The following GLIS3 variants were observed in gnomAD, a reference collection of about 807,000 sequenced individuals.
GLIS3 encodes GLIS family zinc finger 3.
Under a neutral mutation model 78.6 loss-of-function variants are expected in GLIS3, and 53 were observed. The observed-to-expected ratio is 0.67, with a 90% CI of 0.54 to 0.85. The LOEUF (loss-of-function observed/expected upper bound fraction) is 0.85, where lower values mean the gene tolerates loss of function less well. Ranked by LOEUF, GLIS3 falls within the 40% of genes least tolerant of loss-of-function variation. The probability of loss-of-function intolerance (pLI) is 0.00; values close to 1 mark genes in which losing one functional copy is unlikely to be tolerated. For synonymous variants in GLIS3, 684 were observed against 509.9 expected, an observed-to-expected ratio of 1.34 and a Z score of -4.60; for missense variants, 1,703 against 1,231.1, an observed-to-expected ratio of 1.38 and a Z score of -5.74.
At chr9:4,320,132 C>T (rs750741756) in intron 2 of GLIS3, among the ~76,000 whole-genome samples, 3 of 152,050 alleles carry the variant, frequency 2.0e-5, no homozygotes, top group African/African-American at 4.8e-5. Context: ...TCCCAATGGG[C>T]GTATCTGAGT....
At chr9:4,113,973 T>C (rs576326343) in intron 4 of GLIS3, among the ~76,000 whole-genome samples, 10 of 152,038 alleles carry the variant, frequency 6.6e-5, no homozygotes, top group Admixed American at 6.5e-5. Context: ...CTTTTTGCCA[T>C]TGGATAAAAT....
chr9:3,981,026 C>T (rs543041688), intron 4 of GLIS3, among the ~76,000 whole-genome samples: 36 of 152,260 alleles, frequency 2.4e-4, no homozygotes, highest in Admixed American at 5.9e-4. Flanking sequence ...CAGGGCTGGA[C>T]GAACTGAAGA....
chr9:4,298,223 CG>C (rs1201685227), intron 1 of GLIS3, among the ~76,000 whole-genome samples: 1 of 152,092 alleles, frequency 6.6e-6, no homozygotes, highest in Non-Finnish European at 1.5e-5. Flanking sequence ...GCGCCACGGC[CG>C]GGCTCGCAGT....
At chr9:4,052,429 G>C (rs1479967217) in intron 4 of GLIS3, among the ~76,000 whole-genome samples, 1 of 152,034 alleles carries the variant, frequency 6.6e-6, no homozygotes, top group Non-Finnish European at 1.5e-5. Context: ...CCACCATCTA[G>C]TTCCAGAACA....
intron 8 of GLIS3, among the ~76,000 whole-genome samples, chr9:3,858,273 C>G (rs1455964767): frequency 6.6e-6 from 1 of 152,078 alleles, no homozygotes; most frequent in African/African-American, 2.4e-5. Context: ...GGCAAGTCAG[C>G]AAGTAGATCT....
intron 4 of GLIS3, among the ~76,000 whole-genome samples, chr9:4,023,515 C>T (rs1470343718): frequency 6.6e-6 from 1 of 152,182 alleles, no homozygotes; most frequent in African/African-American, 2.4e-5. Context: ...GGTGAAAAAT[C>T]ACCTGCAAGA....
At chr9:4,042,162 C>A (rs993422075) in intron 4 of GLIS3, among the ~76,000 whole-genome samples, 2 of 151,688 alleles carry the variant, frequency 1.3e-5, no homozygotes, top group African/African-American at 4.8e-5. Flanking sequence ...ATCTCTTGGT[C>A]AGGAGCTTCC....
Position 4,286,364 on chromosome 9 carries a change from C to T in GLIS3, c.62G>A (p.Arg21Lys), listed in dbSNP as rs759211325. 6.2e-6 allele frequency: 10 copies of T among 1,614,146 alleles called. No individual in the cohort carries two copies. The highest frequency in any genetic ancestry group is 7.6e-6 in the Non-Finnish European group (9 of 1,179,996). Reference protein sequence around the residue: ...HRTSGTPQGPRMVSGHHIPAI... With the variant: ...HRTSGTPQGPKMVSGHHIPAI... The stretch of plus-strand genomic sequence containing the variant: ...AGGAATGTGATGACCACTGACCATC[C>T]TAGGCCCCTGTGGGGTTCCCGATGT... The change falls in exon 2 of 11, where the codon AGG becomes AAG. Residue 21 changes from arginine to lysine, a missense_variant. Coordinates refer to ENST00000381971, the MANE Select transcript of GLIS3 (RefSeq NM_001042413.2).
intron 2 of GLIS3, among the ~76,000 whole-genome samples, chr9:4,329,243 G>C (rs1817647847): frequency 6.6e-6 from 1 of 152,148 alleles, no homozygotes; most frequent in Non-Finnish European, 1.5e-5. Context: ...CCCCAGGCCT[G>C]CATGTTGACC....
chr9:3,885,494 T>C (rs1253576716), intron 7 of GLIS3, among the ~76,000 whole-genome samples: 2 of 152,186 alleles, frequency 1.3e-5, no homozygotes, highest in African/African-American at 4.8e-5. Flanking sequence ...GTATAAGTAG[T>C]GCTAGAGTAA....
chr9:4,045,328 G>A (rs1480865491), intron 4 of GLIS3, among the ~76,000 whole-genome samples: 2 of 151,402 alleles, frequency 1.3e-5, no homozygotes, highest in Non-Finnish European at 1.5e-5. Flanking sequence ...TGAACTTTTT[G>A]CTATAAAAAT....
intron 6 of GLIS3, among the ~76,000 whole-genome samples, chr9:3,919,678 TAATAA>T (rs1297077018): frequency 1.3e-5 from 2 of 148,482 alleles, no homozygotes; most frequent in Non-Finnish European, 3.0e-5. Flanking sequence ...TAAAAAAAAA[TAATAA>T]AATGAAATGA....
rs16920821 is a variant in GLIS3, at chr9:4,157,138, C to A, written c.389-31197G>T. Among the ~76,000 whole-genome samples the A allele has an allele frequency of 4.8e-3, 728 of 152,166 alleles. 2 individuals carry two copies. Among genetic ancestry groups the A allele is most frequent in the Non-Finnish European group, 8.5e-3 (579 of 68,008 alleles). Reference sequence around the variant, plus strand: ...AATATTATTTTCAGAAAGGTGCGTGCGGTAATTATAAGCTATTTGTTATGA... The same window carrying A: ...AATATTATTTTCAGAAAGGTGCGTGAGGTAATTATAAGCTATTTGTTATGA... On this transcript the variant is annotated intron_variant, in intron 2 of 10. Transcript: ENST00000381971.
intron 6 of GLIS3, among the ~76,000 whole-genome samples, chr9:3,930,627 C>T (rs1033663933): frequency 6.6e-6 from 1 of 152,168 alleles, no homozygotes; most frequent in Admixed American, 6.5e-5. Context: ...TCCTAGGTTA[C>T]CTTCTTAACT....
At chr9:4,149,045 G>A (rs1450052485) in intron 2 of GLIS3, among the ~76,000 whole-genome samples, 1 of 152,118 alleles carries the variant, frequency 6.6e-6, no homozygotes, top group Non-Finnish European at 1.5e-5. Context: ...CTCCAAAGGA[G>A]GTGCAGAGTT....
chr9:4,286,504 C>A lies in GLIS3; in HGVS notation c.-79G>T. On this transcript the variant is annotated 5_prime_UTR_variant, in exon 2 of 11. Transcript: ENST00000381971. ...TTTCAGGCAAAGTCCAATAAGTTAT[C>A]CATGGTGTGGGTTATAAGCCTGTTT... is the stretch of plus-strand genomic sequence containing the variant. 1 of 1,542,400 alleles carries A rather than the reference C, an allele frequency of 6.5e-7. No homozygotes were observed. The highest frequency in any genetic ancestry group is 2.2e-5 in the East Asian group (1 of 44,610).
At chr9:3,869,571 T>C (rs1191729880) in intron 8 of GLIS3, among the ~76,000 whole-genome samples, 2 of 152,220 alleles carry the variant, frequency 1.3e-5, no homozygotes, top group Non-Finnish European at 2.9e-5. Flanking sequence ...ACGCAGGTTA[T>C]ACAAGATGGG....
At chr9:3,994,068 G>T (rs569620235) in intron 4 of GLIS3, among the ~76,000 whole-genome samples, 12 of 152,230 alleles carry the variant, frequency 7.9e-5, no homozygotes, top group African/African-American at 2.9e-4. Context: ...GGTCTGGGTT[G>T]GACCAAAGAA....
chr9:4,371,381 G>C, the GLIS3 span, among the ~76,000 whole-genome samples: 2 of 152,154 alleles, frequency 1.3e-5, no homozygotes, highest in Non-Finnish European at 2.9e-5. Flanking sequence ...GACCTCAGTC[G>C]TCCTAAGCCC....
Sources: gnomAD v4.1 joint callset for allele counts (sites outside exome capture counted in the v4.1 genomes callset) on GRCh38, gnomAD v4.1.1 for gene constraint, MANE v1.5 for transcripts, NCBI Gene and HGNC (gene_info 2026-07-23, HGNC 2026-07-21) for gene names.